Variants in PHF24 observed in about 807,000 individuals in gnomAD.
The protein encoded by PHF24 is PHD finger protein 24.
A neutral mutation model predicts 42.6 loss-of-function variants in PHF24; 25 were observed. That is an observed-to-expected ratio of 0.59 (90% CI 0.43 to 0.82). PHF24 has a LOEUF of 0.82. Among genes scored for constraint, PHF24 ranks in the 40% least tolerant of loss-of-function variants. The pLI is 0.00. For missense variants in PHF24, 470 were observed against 538.1 expected (o/e 0.87, Z 1.25); for synonymous variants, 185 against 204.8 (o/e 0.90, Z 0.83).
At chr9:34,933,991 T>C in the PHF24 span, among the ~76,000 whole-genome samples, 1 of 151,998 alleles carries the variant, frequency 6.6e-6, no homozygotes, top group Non-Finnish European at 1.5e-5. Context: ...GTGATCCGCC[T>C]GCCTCAGCCT....
At chr9:34,875,934 A>ACTCTCTCTCTCTCTCTCT in the PHF24 span, among the ~76,000 whole-genome samples, 7 of 78,278 alleles carry the variant, frequency 8.9e-5, no homozygotes, top group East Asian at 3.5e-4. Context: ...ACACACACAC[A>ACTCTCTCTCTCTCTCTCT]CACACACACA....
At chr9:34,981,858 C>CA (rs1827403331) in exon 8 of PHF24, 1 of 151,692 alleles carries the variant, frequency 6.6e-6, no homozygotes. Flanking sequence ...GCAACCCAGA[C>CA]AATGGCGAGA....
chr9:34,715,159 G>T, the PHF24 span, among the ~76,000 whole-genome samples: 2 of 152,052 alleles, frequency 1.3e-5, no homozygotes, highest in Non-Finnish European at 2.9e-5. Flanking sequence ...AAACCTGGCT[G>T]GACAAAATCC....
intron 1 of PHF24, 77 bp from the exon 2 acceptor site, chr9:34,971,218 C>A (rs1826963375): frequency 6.7e-7 from 1 of 1,489,382 alleles, no homozygotes; most frequent in African/African-American, 1.4e-5. Flanking sequence ...ATAGCCCTTG[C>A]CACTTAGGTT....
chr9:34,864,281 A>G, the PHF24 span, among the ~76,000 whole-genome samples: 24 of 152,318 alleles, frequency 1.6e-4, no homozygotes, highest in African/African-American at 5.5e-4. Flanking sequence ...AAGGATATCG[A>G]TATCTAAGTA....
the PHF24 span, among the ~76,000 whole-genome samples, chr9:34,761,325 T>G: frequency 6.6e-6 from 1 of 150,376 alleles, no homozygotes; most frequent in Non-Finnish European, 1.5e-5. Context: ...TTTTTTTTAA[T>G]AGATGGGGTA....
the PHF24 span, among the ~76,000 whole-genome samples, chr9:34,736,132 C>T: frequency 9.0e-4 from 136 of 151,394 alleles, no homozygotes; most frequent in Admixed American, 2.6e-3. Flanking sequence ...TTATCCGACA[C>T]GAAACAGAAA....
chr9:34,937,458 G>C, the PHF24 span, among the ~76,000 whole-genome samples: 78 of 152,196 alleles, frequency 5.1e-4, no homozygotes, highest in Middle Eastern at 3.4e-3. Flanking sequence ...CAGCAGGCTC[G>C]TTAAGAGTCA....
At chr9:34,847,012 A>G in the PHF24 span, among the ~76,000 whole-genome samples, 2 of 152,144 alleles carry the variant, frequency 1.3e-5, no homozygotes, top group South Asian at 2.1e-4. Context: ...GCCTTGTAGT[A>G]TAGTTTGAAG....
the PHF24 span, among the ~76,000 whole-genome samples, chr9:34,677,393 T>TTTTTTC: frequency 2.5e-5 from 2 of 79,358 alleles, no homozygotes; most frequent in African/African-American, 4.4e-5. Flanking sequence ...TAAACTGTTT[T>TTTTTTC]TTTTTTTTTT....
chr9:34,895,012 G>A, the PHF24 span: 3 of 398,336 alleles, frequency 7.5e-6, no homozygotes, highest in East Asian at 3.6e-5. Flanking sequence ...CAGCAGAAGT[G>A]AATTAGAGGA....
the PHF24 span, among the ~76,000 whole-genome samples, chr9:34,818,081 A>G: frequency 6.6e-6 from 1 of 152,198 alleles, no homozygotes; most frequent in Non-Finnish European, 1.5e-5. Context: ...TAGTTCTGCT[A>G]TCTTTTTATC....
chr9:34,963,240 C>T (rs947234275), intron 1 of PHF24, among the ~76,000 whole-genome samples: 2 of 148,558 alleles, frequency 1.3e-5, no homozygotes, highest in African/African-American at 2.5e-5. Flanking sequence ...AAGACCCGCA[C>T]GAGAACTCTT....
At chr9:34,823,733 A>C in the PHF24 span, among the ~76,000 whole-genome samples, 1 of 152,146 alleles carries the variant, frequency 6.6e-6, no homozygotes, top group Non-Finnish European at 1.5e-5. Context: ...AGAATGGGAT[A>C]GTGAGTCTCT....
At chr9:34,941,085 T>C in the PHF24 span, among the ~76,000 whole-genome samples, 1 of 152,162 alleles carries the variant, frequency 6.6e-6, no homozygotes, top group African/African-American at 2.4e-5. Flanking sequence ...AGTGGGTCAT[T>C]AGGAGTAAGG....
chr9:34,672,104 CTG>C, the PHF24 span, among the ~76,000 whole-genome samples: 1 of 152,170 alleles, frequency 6.6e-6, no homozygotes, highest in African/African-American at 2.4e-5. Flanking sequence ...AAGTGGATTG[CTG>C]TGGGCTGTTT....
the PHF24 span, among the ~76,000 whole-genome samples, chr9:34,686,553 C>G: frequency 2.3e-3 from 346 of 152,322 alleles, no homozygotes; most frequent in Middle Eastern, 6.8e-3. Flanking sequence ...CCAACCTCTC[C>G]CTTGGGAGCT....
intron 1 of PHF24, among the ~76,000 whole-genome samples, chr9:34,969,025 G>A (rs2132888371): frequency 6.6e-6 from 1 of 152,222 alleles, no homozygotes; most frequent in East Asian, 1.9e-4. Flanking sequence ...CACTAGTCAG[G>A]TGGGGAGGAA....
At chr9:34,981,729 C>G (rs1201754347) in exon 8 of PHF24, 1 of 150,390 alleles carries the variant, frequency 6.6e-6, no homozygotes, top group African/African-American at 2.5e-5. Context: ...AATAAAATTC[C>G]TATTTTCTTT....
Sources: gnomAD v4.1 joint callset for allele counts (sites outside exome capture counted in the v4.1 genomes callset) on GRCh38, gnomAD v4.1.1 for gene constraint, MANE v1.5 for transcripts, NCBI Gene and HGNC (gene_info 2026-07-23, HGNC 2026-07-21) for gene names.